Variants in EXOC6B observed in about 807,000 individuals in gnomAD.
The protein encoded by EXOC6B is SEC15 homolog B.
EXOC6B carries 54 observed loss-of-function variants against 113.5 expected under a neutral mutation model. That is an observed-to-expected ratio of 0.48 (90% confidence interval 0.38 to 0.60). The LOEUF is 0.60. EXOC6B is among the 20% of genes least tolerant of loss of function. The pLI is 0.00. For missense variants in EXOC6B, 797 were observed against 977.5 expected, an observed-to-expected ratio of 0.82 and a Z score of 2.46; for synonymous variants, 357 against 339.0, an observed-to-expected ratio of 1.05 and a Z score of -0.58.
chr2:72,291,918 T>C (rs1195952877), intron 20 of EXOC6B, among the ~76,000 whole-genome samples: 1 of 152,196 alleles, frequency 6.6e-6, no homozygotes, highest in Non-Finnish European at 1.5e-5. Context: ...GGTTAATCTA[T>C]TGCCAGGATT....
At chr2:72,304,018 T>C (rs893141145) in intron 20 of EXOC6B, among the ~76,000 whole-genome samples, 1 of 152,224 alleles carries the variant, frequency 6.6e-6, no homozygotes, top group African/African-American at 2.4e-5. Flanking sequence ...CTGCCAACTC[T>C]GCAGAGCTGC....
intron 20 of EXOC6B, among the ~76,000 whole-genome samples, chr2:72,222,837 T>A (rs548975298): frequency 6.6e-6 from 1 of 152,216 alleles, no homozygotes; most frequent in East Asian, 1.9e-4. Flanking sequence ...GGAACTCTCC[T>A]GCTAGGCATC....
chr2:72,609,520 A>AT (rs1362335404), intron 6 of EXOC6B, among the ~76,000 whole-genome samples: 1 of 150,554 alleles, frequency 6.6e-6, no homozygotes. Context: ...AATAAAAATA[A>AT]TTAAAAAAAA....
chr2:72,395,402 A>C (rs371727599), intron 18 of EXOC6B, among the ~76,000 whole-genome samples: 9 of 152,222 alleles, frequency 5.9e-5, no homozygotes, highest in East Asian at 1.9e-4. Flanking sequence ...CAAACACCTC[A>C]TTAGCCCTAG....
intron 20 of EXOC6B, among the ~76,000 whole-genome samples, chr2:72,334,611 T>C (rs1033465276): frequency 3.3e-5 from 5 of 152,266 alleles, no homozygotes; most frequent in Non-Finnish European, 5.9e-5. Context: ...TGCACCTGCT[T>C]AGCATTGGTT....
rs1691577841 is a variant in EXOC6B at position 72,379,820 on chromosome 2, T to C, written c.2031A>G (p.Thr677=). The change falls in exon 19 of 22, where the codon ACA becomes ACG. Residue 677 remains threonine, a synonymous_variant. Coordinates refer to ENST00000272427, the MANE Select transcript of EXOC6B (RefSeq NM_015189.3). The stretch of plus-strand genomic sequence containing the variant: ...CTTCCAACAAAAGTTGCATCAAGGA[T>C]GTGGCTAAATGCTTGCAAGCTGACA... The part of the protein sequence containing the change: ...ACMSACKHLA[T]SLMQLLLEAE... 6.2e-7 allele frequency: 1 copy of C among 1,613,160 alleles called. No individual in the cohort carries two copies. The highest frequency in any genetic ancestry group is 1.7e-4 in the Middle Eastern group (1 of 6,056).
At chr2:72,518,483 GGTGTGTGTGTGT>G (rs138382972) in intron 8 of EXOC6B, among the ~76,000 whole-genome samples, 5 of 143,480 alleles carry the variant, frequency 3.5e-5, no homozygotes, top group East Asian at 2.1e-4. Context: ...ATTAAAGTAG[GGTGTGTGTGTGT>G]GTGTGTGTGT....
intron 1 of EXOC6B, among the ~76,000 whole-genome samples, chr2:72,799,058 G>A (rs1288843333): frequency 6.6e-6 from 1 of 151,762 alleles, no homozygotes; most frequent in Non-Finnish European, 1.5e-5. Context: ...GGGCACACAT[G>A]GGAAACCTCG....
chr2:72,352,221 T>A (rs1689691622), intron 19 of EXOC6B, among the ~76,000 whole-genome samples: 1 of 152,054 alleles, frequency 6.6e-6, no homozygotes, highest in Non-Finnish European at 1.5e-5. Context: ...AATTCACCCA[T>A]CCAAATGTAC....
Position 72,780,762 on chromosome 2 carries a change from G to T in EXOC6B, c.114-39293C>A, listed in dbSNP as rs553557064. On this transcript the variant is annotated intron_variant, in intron 1 of 21. Transcript: ENST00000272427. ...GCTTGCTTTATCTAAAAAAGAGGAA[G>T]TCAGAGTAAATAAAGAATTCAACAG... 5.3e-5 allele frequency among the ~76,000 whole-genome samples: 8 copies of T among 152,230 alleles called. 1 individual carries two copies. Among genetic ancestry groups the T allele is most frequent in the African/African-American group, 1.9e-4 (8 of 41,554 alleles).
chr2:72,382,638 A>G (rs919219485), intron 18 of EXOC6B, among the ~76,000 whole-genome samples: 6 of 152,062 alleles, frequency 3.9e-5, no homozygotes. Context: ...TTTTAACTAT[A>G]TTACTTCTTC....
chr2:72,567,567 G>A (rs1292193076), intron 7 of EXOC6B, among the ~76,000 whole-genome samples: 1 of 151,870 alleles, frequency 6.6e-6, no homozygotes, highest in African/African-American at 2.4e-5. Context: ...TCCACAAAAG[G>A]GGTATACCTA....
At chr2:72,731,290 T>G (rs766257656) in intron 3 of EXOC6B, 45 bp from the exon 4 acceptor site, 1 of 1,456,200 alleles carries the variant, frequency 6.9e-7, no homozygotes, top group South Asian at 1.2e-5. Flanking sequence ...TGGCTGTAAA[T>G]AAAAAGCTTT....
At chr2:72,208,536 G>A (rs1679972683) in intron 20 of EXOC6B, among the ~76,000 whole-genome samples, 1 of 152,080 alleles carries the variant, frequency 6.6e-6, no homozygotes, top group Non-Finnish European at 1.5e-5. Context: ...GAATAGCATG[G>A]CAATGAACAA....
At position 72,227,231 on chromosome 2, in the gene EXOC6B, A is replaced by T. The variant is rs1349610116; in HGVS notation, c.2197-43044T>A. ...ACTATATGCTGCCTATAAGAGATAA[A>T]TTTAAAATATGAGGATGCAGAAAGT... On this transcript the variant is annotated intron_variant, in intron 20 of 21. Coordinates refer to ENST00000272427, the MANE Select transcript of EXOC6B (RefSeq NM_015189.3). Among the ~76,000 whole-genome samples the T allele has an allele frequency of 2.0e-5, 3 of 152,190 alleles. No individual in the cohort carries two copies. In the East Asian group the frequency reaches 5.8e-4, roughly 29 times the overall value.
intron 18 of EXOC6B, among the ~76,000 whole-genome samples, chr2:72,443,643 T>C (rs1696367720): frequency 6.6e-6 from 1 of 152,120 alleles, no homozygotes; most frequent in Non-Finnish European, 1.5e-5. Context: ...TGGGGAGCCC[T>C]CACAATCATG....
At chr2:72,371,733 T>G (rs1429907372) in intron 19 of EXOC6B, among the ~76,000 whole-genome samples, 1 of 152,176 alleles carries the variant, frequency 6.6e-6, no homozygotes, top group South Asian at 2.1e-4. Context: ...TCATACTGAA[T>G]GGAGAAAAAC....
At chr2:72,207,270 T>A (rs1679894713) in intron 20 of EXOC6B, among the ~76,000 whole-genome samples, 1 of 152,226 alleles carries the variant, frequency 6.6e-6, no homozygotes, top group African/African-American at 2.4e-5. Context: ...TACTTGAATA[T>A]ACATCTTTGT....
chr2:72,372,802 C>T (rs1003337017), intron 19 of EXOC6B, among the ~76,000 whole-genome samples: 1 of 151,880 alleles, frequency 6.6e-6, no homozygotes, highest in East Asian at 1.9e-4. Flanking sequence ...CAAGACTGCA[C>T]CATTGCACTC....
Sources: gnomAD v4.1 joint callset for allele counts (sites outside exome capture counted in the v4.1 genomes callset) on GRCh38, gnomAD v4.1.1 for gene constraint, MANE v1.5 for transcripts, NCBI Gene and HGNC (gene_info 2026-07-23, HGNC 2026-07-21) for gene names.